ZNF469: variants seen among roughly 807,000 people sequenced by gnomAD.
The protein encoded by ZNF469 is zinc finger protein 469.
Under a neutral mutation model 1.0 loss-of-function variants are expected in ZNF469, and 1 was observed. The observed-to-expected ratio is 1.00, with a 90% CI of 0.35 to 4.73. ZNF469 has a LOEUF of 4.73. Among genes scored for constraint, ZNF469 ranks in the 30% most tolerant of loss-of-function variants. The pLI is 0.16. For synonymous variants in ZNF469, 2,703 were observed against 2,363.4 expected, an observed-to-expected ratio of 1.14 and a Z score of -4.17; for missense variants, 6,100 against 5,356.3, an observed-to-expected ratio of 1.14 and a Z score of -4.33.
At chr16:88,114,904 G>A in the ZNF469 span, among the ~76,000 whole-genome samples, 1 of 152,240 alleles carries the variant, frequency 6.6e-6, no homozygotes. Context: ...AAACAGGCCA[G>A]GGCGAAAATG....
the ZNF469 span, among the ~76,000 whole-genome samples, chr16:88,145,618 C>T: frequency 7.2e-5 from 11 of 152,250 alleles, no homozygotes; most frequent in Admixed American, 2.6e-4. Flanking sequence ...GGCAAGAATT[C>T]TCCTCTCTGG....
the ZNF469 span, among the ~76,000 whole-genome samples, chr16:88,222,010 G>A: frequency 1.1e-3 from 169 of 152,120 alleles, no homozygotes; most frequent in African/African-American, 3.9e-3. Flanking sequence ...TCTCTGGGCC[G>A]TGGGCTTATT....
the ZNF469 span, among the ~76,000 whole-genome samples, chr16:88,122,092 G>A: frequency 6.8e-6 from 1 of 148,134 alleles, no homozygotes; most frequent in Admixed American, 6.8e-5. Context: ...GGCCTCGGCA[G>A]CCCCTCGGAT....
chr16:88,220,854 G>A, the ZNF469 span, among the ~76,000 whole-genome samples: 15 of 152,204 alleles, frequency 9.9e-5, no homozygotes, highest in Admixed American at 1.3e-4. Context: ...AACTCTGGGC[G>A]TTTCTCCAAT....
At chr16:88,168,539 G>C in the ZNF469 span, among the ~76,000 whole-genome samples, 2 of 152,200 alleles carry the variant, frequency 1.3e-5, no homozygotes, top group Non-Finnish European at 2.9e-5. This position sits in a 1 kb window ranked among gnomAD's most constrained non-coding sequence, Gnocchi z 4.3. Context: ...AGGTTCAAGA[G>C]GGGTCCAGGT....
At chr16:88,186,650 C>G in the ZNF469 span, among the ~76,000 whole-genome samples, 46 of 152,270 alleles carry the variant, frequency 3.0e-4, no homozygotes, top group African/African-American at 7.9e-4. Flanking sequence ...CCCACCTCCC[C>G]CGGCAGAGGA....
rs1567509039 is a variant in ZNF469, at chr16:88,428,250, A to C, written c.780A>C (p.Lys260Asn). ...VPPAEPEPIP[K>N]GSRPGGSPRG... is the part of the protein sequence containing the mutation. The stretch of plus-strand genomic sequence containing the variant: ...CCGCCGAGCCGGAACCTATTCCCAA[A>C]GGCAGCAGGCCCGGCGGCAGCCCCA... Residue 260 changes from lysine (K) to asparagine (N), a missense_variant, in exon 3 of 3, where the codon AAA becomes AAC. Coordinates refer to ENST00000565624, the MANE Select transcript of ZNF469 (RefSeq NM_001367624.2). 1 of 1,550,346 alleles carries C rather than the reference A, an allele frequency of 6.5e-7. No individual in the cohort carries two copies. Among genetic ancestry groups the C allele is most frequent in the Non-Finnish European group, 8.7e-7 (1 of 1,146,928 alleles).
chr16:88,215,592 G>A, the ZNF469 span, among the ~76,000 whole-genome samples: 3 of 151,644 alleles, frequency 2.0e-5, no homozygotes, highest in Non-Finnish European at 4.4e-5. Flanking sequence ...GTTTCACCAT[G>A]CTGGCCAGTC....
the ZNF469 span, among the ~76,000 whole-genome samples, chr16:88,123,179 C>G: frequency 8.5e-5 from 13 of 152,306 alleles, no homozygotes; most frequent in African/African-American, 2.9e-4. Flanking sequence ...CTGCTCCACC[C>G]CTTGTATGCC....
At chr16:88,213,395 G>A in the ZNF469 span, among the ~76,000 whole-genome samples, 3 of 152,124 alleles carry the variant, frequency 2.0e-5, no homozygotes, top group Non-Finnish European at 4.4e-5. Context: ...CACCGCGCCC[G>A]GCCTCTGTTT....
chr16:88,228,373 G>A, the ZNF469 span, among the ~76,000 whole-genome samples: 1 of 152,246 alleles, frequency 6.6e-6, no homozygotes, highest in African/African-American at 2.4e-5. Flanking sequence ...GCCCTGGGGT[G>A]TGTGTCCTGG....
chr16:88,129,739 A>C, the ZNF469 span, among the ~76,000 whole-genome samples: 1 of 152,220 alleles, frequency 6.6e-6, no homozygotes, highest in Admixed American at 6.5e-5. Context: ...GCACGCCTGC[A>C]GTCTCAGCTA....
the ZNF469 span, among the ~76,000 whole-genome samples, chr16:88,203,417 C>A: frequency 6.6e-6 from 1 of 152,140 alleles, no homozygotes; most frequent in African/African-American, 2.4e-5. Flanking sequence ...TCCTCTCCTG[C>A]TCCCACAGCA....
chr16:88,193,853 C>T, the ZNF469 span, among the ~76,000 whole-genome samples: 10 of 152,172 alleles, frequency 6.6e-5, no homozygotes, highest in Non-Finnish European at 1.3e-4. Flanking sequence ...TAACTTACTG[C>T]GCCCTCACAT....
At chr16:88,216,824 T>A in the ZNF469 span, among the ~76,000 whole-genome samples, 4 of 152,184 alleles carry the variant, frequency 2.6e-5, no homozygotes, top group Non-Finnish European at 5.9e-5. Flanking sequence ...CTATATTTTT[T>A]ATTATTTTTT....
chr16:88,335,963 T>C, the ZNF469 span, among the ~76,000 whole-genome samples: 78,474 of 150,502 alleles, frequency 0.52, 21,231 homozygotes, highest in African/African-American at 0.69. Context: ...ATGCCACGCA[T>C]GTTCATCCTT....
chr16:88,227,108 A>C, the ZNF469 span, among the ~76,000 whole-genome samples: 8 of 111,524 alleles, frequency 7.2e-5, no homozygotes, highest in Admixed American at 1.8e-4. Context: ...GCGCGTTTCC[A>C]CCCGTCCCTC....
In ZNF469 at chr16:88,430,552, C is replaced by G. The variant is rs538182235; in HGVS notation, c.3082C>G (p.Arg1028Gly). 8 of 1,471,092 alleles carry G rather than the reference C, an allele frequency of 5.4e-6. No homozygotes were observed. Among genetic ancestry groups the G allele is most frequent in the African/African-American group, 4.4e-5 (3 of 67,972 alleles). 91.1% of individuals were successfully genotyped at this position (1,471,092 alleles called of 1,614,324 possible). A position where few individuals can be genotyped will look rare whatever the true frequency, so the allele number is the denominator to read the frequency against. Residue 1028 changes from arginine (R) to glycine (G), a missense_variant, in exon 3 of 3, where the codon CGC (arginine) becomes GGC (glycine). By Grantham distance (125) the Arg-to-Gly change is moderately radical. Coordinates refer to ENST00000565624, the MANE Select transcript of ZNF469 (RefSeq NM_001367624.2). ...LPEETRSSRRRRLPPRKDPRK... is the reference protein window; with the variant it reads ...LPEETRSSRRGRLPPRKDPRK... ...CGAGGAGACCCGCAGCTCCCGGCGC[C>G]GCCGGCTGCCCCCCAGGAAGGACCC...
the ZNF469 span, among the ~76,000 whole-genome samples, chr16:88,365,870 A>G: frequency 6.6e-6 from 1 of 152,156 alleles, no homozygotes; most frequent in Non-Finnish European, 1.5e-5. Flanking sequence ...GAGACTGCCA[A>G]ACCCTTCCCA....
Sources: allele counts gnomAD v4.1 joint callset (sites outside exome capture counted in the v4.1 genomes callset), GRCh38; gene constraint gnomAD v4.1.1; non-coding constraint Gnocchi (gnomAD v3.1); transcripts MANE v1.5; gene names NCBI Gene and HGNC (gene_info 2026-07-23, HGNC 2026-07-21).